Variants in HNRNPUL1 observed in about 807,000 individuals in gnomAD.
HNRNPUL1 encodes heterogeneous nuclear ribonucleoprotein U like 1.
Under a neutral mutation model 108.5 loss-of-function variants are expected in HNRNPUL1, and 14 were observed. That is an observed-to-expected ratio of 0.13 (90% confidence interval 0.09 to 0.20). HNRNPUL1 has a LOEUF of 0.20. Ranked by LOEUF, HNRNPUL1 falls within the 10% of genes least tolerant of loss-of-function variation. The probability of loss-of-function intolerance (pLI) is 1.00; values close to 1 mark genes in which losing one functional copy is unlikely to be tolerated. For missense variants in HNRNPUL1, 804 were observed against 1,168.3 expected, an observed-to-expected ratio of 0.69 and a Z score of 4.55; for synonymous variants, 422 against 445.2, an observed-to-expected ratio of 0.95 and a Z score of 0.66.
At chr19:41,283,296 T>A (rs1048413944) in intron 7 of HNRNPUL1, among the ~76,000 whole-genome samples, 5 of 152,186 alleles carry the variant, frequency 3.3e-5, no homozygotes, top group Non-Finnish European at 5.9e-5. Flanking sequence ...TTTATTTTTT[T>A]GAAGACAGAT....
intron 10 of HNRNPUL1, among the ~76,000 whole-genome samples, chr19:41,296,152 G>T (rs1599840343): frequency 6.6e-6 from 1 of 152,198 alleles, no homozygotes; most frequent in Non-Finnish European, 1.5e-5. Flanking sequence ...TGGTTTGCTG[G>T]TTAAATCAGC....
intron 8 of HNRNPUL1, among the ~76,000 whole-genome samples, chr19:41,293,684 G>T (rs142614816): frequency 6.6e-6 from 1 of 152,194 alleles, no homozygotes; most frequent in Non-Finnish European, 1.5e-5. Context: ...ATTGCAGGGG[G>T]CGGGGAATGG....
chr19:41,286,768 G>A (rs1488324938), intron 7 of HNRNPUL1: 1 of 135,428 alleles, frequency 7.4e-6, no homozygotes. Context: ...CCAGGTTTGA[G>A]TGCAATGGCT....
Position 41,281,233 on chromosome 19 carries a change from C to T in HNRNPUL1, c.957C>T (p.Tyr319=). ...CCACCAATAGCCGGTTTGAAAACTA[C>T]GGAGACAAGTTTGCAGAGAACGATG... ...KKSTNSRFEN[Y]GDKFAENDVI... is the part of the protein sequence containing the mutation. The change falls in exon 7 of 15, where the codon TAC becomes TAT. Residue 319 remains tyrosine, a synonymous_variant. Coordinates refer to ENST00000392006, the MANE Select transcript of HNRNPUL1 (RefSeq NM_007040.6). 7 of 1,614,066 alleles carry T rather than the reference C, an allele frequency of 4.3e-6. No individual in the cohort carries two copies. Among genetic ancestry groups the T allele is most frequent in the Admixed American group, 1.7e-5 (1 of 60,022 alleles).
chr19:41,280,894 CCTTT>C (rs1016338555), intron 6 of HNRNPUL1: 1 of 361,772 alleles, frequency 2.8e-6, no homozygotes, highest in African/African-American at 2.0e-5. Flanking sequence ...TTCCTTCCTC[CCTTT>C]CTTTTCAAAT....
Position 41,274,099 on chromosome 19 carries a change from A to T in HNRNPUL1, c.646+44A>T, listed in dbSNP as rs367692751. The T allele has an allele frequency of 3.3e-6, 5 of 1,526,288 alleles. No homozygotes were observed. In the African/African-American group the frequency reaches 5.5e-5, roughly 17 times the overall value. 94.5% of individuals were successfully genotyped at this position (1,526,288 alleles called of 1,614,324 possible). A position where few individuals can be genotyped will look rare whatever the true frequency, so the allele number is the denominator to read the frequency against. On this transcript the variant is annotated intron_variant, in intron 4 of 14. Coordinates refer to ENST00000392006, the MANE Select transcript of HNRNPUL1 (RefSeq NM_007040.6). ...CATCTAATTCTGCCTTACAGTCAGTATGGGGAAATTGTGGTCTTGACCTTC... is the reference window on the plus strand; with the variant it reads ...CATCTAATTCTGCCTTACAGTCAGTTTGGGGAAATTGTGGTCTTGACCTTC...
chr19:41,265,357 TGGGA>T, intron 1 of HNRNPUL1: 2 of 443,246 alleles, frequency 4.5e-6, no homozygotes, highest in Non-Finnish European at 7.0e-6. Flanking sequence ...CGGGGGTGGG[TGGGA>T]GAGGTGGAGG....
In HNRNPUL1 at chr19:41,272,064, A is replaced by G. The variant is rs1308090164; in HGVS notation, c.419-18A>G. Reference sequence around the variant, plus strand: ...AGCTTGCGAGTGTCTTGACCATCTGAATTTGTCTTGACAATAGAAATGAAG... The same window carrying G: ...AGCTTGCGAGTGTCTTGACCATCTGGATTTGTCTTGACAATAGAAATGAAG... On this transcript the variant is annotated intron_variant, in intron 2 of 14. Transcript: ENST00000392006. 6.2e-7 allele frequency: 1 copy of G among 1,613,010 alleles called. No individual in the cohort carries two copies. Among genetic ancestry groups the G allele is most frequent in the South Asian group, 1.1e-5 (1 of 91,038 alleles).
intron 14 of HNRNPUL1, 121 bp downstream of exon 14, chr19:41,305,988 G>A: frequency 1.5e-6 from 1 of 687,788 alleles, no homozygotes. Flanking sequence ...CCTCGGCCTG[G>A]CGTTCATCTG....
In HNRNPUL1 at chr19:41,264,395, G is replaced by T; in HGVS notation, c.-109G>T. 1.0e-6 allele frequency: 1 copy of T among 969,762 alleles called. No individual in the cohort carries two copies. Among genetic ancestry groups the T allele is most frequent in the Non-Finnish European group, 1.4e-6 (1 of 735,224 alleles). The allele number at this position is 969,762 out of a possible 1,614,324, so 60.1% of individuals were successfully genotyped here. A position where few individuals can be genotyped will look rare whatever the true frequency, so the allele number is the denominator to read the frequency against. On this transcript the variant is annotated 5_prime_UTR_variant, in exon 1 of 15. Transcript: ENST00000392006. ...CCATTTTGAGCCGCTGCCGCCATTG[G>T]AGTGGGCCCCCCCCCTTTCCCCCTT...
At chr19:41,271,968 C>T in intron 2 of HNRNPUL1, 114 bp from the exon 3 acceptor site, 1 of 1,213,016 alleles carries the variant, frequency 8.2e-7, no homozygotes, top group Non-Finnish European at 1.2e-6. Flanking sequence ...GTGCCCAGCC[C>T]TTCATCACTG....
In HNRNPUL1 at chr19:41,264,685, A is replaced by G. The variant is rs755258627; in HGVS notation, c.182A>G (p.Asn61Ser). 1.3e-6 allele frequency: 2 copies of G among 1,572,362 alleles called. No homozygotes were observed. The highest frequency in any genetic ancestry group is 1.1e-5 in the South Asian group (1 of 88,662). The part of the protein sequence containing the change: ...DDEPGRPGHI[N>S]EEVETEGGSE... ...GAACCGGGGCGACCCGGGCACATCA[A>G]CGAGGAGGTCGAGACCGAGGGGGGC... Residue 61 changes from asparagine to serine, a missense_variant, in exon 1 of 15, where the codon AAC (asparagine) becomes AGC (serine). Physicochemically the swap from Asn to Ser is conservative, Grantham distance 46. Around this residue, in one of 4 missense-constraint regions of HNRNPUL1, gnomAD observed 256 missense variants for 261.6 expected, o/e 0.98. Transcript: ENST00000392006.
At position 41,292,641 on chromosome 19, in the gene HNRNPUL1, G is replaced by A; in HGVS notation, c.1266+130G>A. 1.7e-6 allele frequency: 2 copies of A among 1,158,030 alleles called. No homozygotes were observed. The highest frequency in any genetic ancestry group is 2.5e-6 in the Non-Finnish European group (2 of 799,846). The allele number at this position is 1,158,030 out of a possible 1,614,324, so 71.7% of individuals were successfully genotyped here. A position where few individuals can be genotyped will look rare whatever the true frequency, so the allele number is the denominator to read the frequency against. On this transcript the variant is annotated intron_variant, in intron 8 of 14. Coordinates refer to ENST00000392006, the MANE Select transcript of HNRNPUL1 (RefSeq NM_007040.6). This position sits in a 1 kb window ranked among gnomAD's most constrained non-coding sequence, Gnocchi z 4.1. ...GTGGCCACTTTGTCCCAGCTCCTCA[G>A]GGTTGGACTCAGAGCTGAAAAGCTG...
At chr19:41,266,205 C>CGG in intron 1 of HNRNPUL1, among the ~76,000 whole-genome samples, 1 of 152,110 alleles carries the variant, frequency 6.6e-6, no homozygotes, top group Non-Finnish European at 1.5e-5. Flanking sequence ...GAGGCCGAGG[C>CGG]GGGCGGATCA....
intron 7 of HNRNPUL1, among the ~76,000 whole-genome samples, chr19:41,288,188 A>C (rs1179176723): frequency 1.2e-4 from 9 of 73,706 alleles, no homozygotes; most frequent in African/African-American, 4.3e-4. Context: ...ACCCACTGGT[A>C]CTCGGGGTTT....
intron 10 of HNRNPUL1, chr19:41,298,584 C>T (rs896689930): frequency 6.6e-6 from 1 of 152,236 alleles, no homozygotes; most frequent in African/African-American, 2.4e-5. Context: ...TTTAGATACT[C>T]TTCTTCCCTT....
chr19:41,278,403 G>T (rs1363382892), intron 5 of HNRNPUL1: 1 of 151,108 alleles, frequency 6.6e-6, no homozygotes, highest in Non-Finnish European at 1.5e-5. Context: ...TTGTGGCATG[G>T]ATATACCATA....
chr19:41,306,377 G>T, intron 14 of HNRNPUL1, 72 bp from the exon 15 acceptor site: 1 of 966,002 alleles, frequency 1.0e-6, no homozygotes, highest in South Asian at 1.7e-5. Context: ...CCTAGGTGAG[G>T]GTGGGGCTGG....
Position 41,264,653 on chromosome 19 carries a change from C to T in HNRNPUL1, c.150C>T (p.Ala50=). Residue 50 remains alanine (A), a synonymous_variant, in exon 1 of 15, where the codon GCC becomes GCT. Coordinates refer to ENST00000392006, the MANE Select transcript of HNRNPUL1 (RefSeq NM_007040.6). The part of the protein sequence containing the change: ...EEPDDERELD[A]DDEPGRPGHI... ...CTGACGACGAGCGGGAGCTCGACGC[C>T]GACGACGAACCGGGGCGACCCGGGC... The T allele has an allele frequency of 6.3e-7, 1 of 1,584,742 alleles. No homozygotes were observed. Among genetic ancestry groups the T allele is most frequent in the Non-Finnish European group, 8.5e-7 (1 of 1,173,058 alleles).
Sources: gnomAD v4.1 joint callset for allele counts (sites outside exome capture counted in the v4.1 genomes callset) on GRCh38, gnomAD v4.1.1 for gene constraint, gnomAD v4.1.1 regional missense constraint, Gnocchi (gnomAD v3.1) non-coding constraint, MANE v1.5 for transcripts, NCBI Gene and HGNC (gene_info 2026-07-23, HGNC 2026-07-21) for gene names.